The following TLE4 variants were observed in gnomAD, a reference collection of about 807,000 sequenced individuals.
The protein encoded by TLE4 is TLE family member 4, transcriptional corepressor, also known as transducin-like enhancer protein 4.
A neutral mutation model predicts 92.8 loss-of-function variants in TLE4; 8 were observed. That is an observed-to-expected ratio of 0.09 (90% confidence interval 0.05 to 0.16). The LOEUF (loss-of-function observed/expected upper bound fraction) is 0.16. Ranked by LOEUF, TLE4 falls within the 10% of genes least tolerant of loss-of-function variation. The pLI is 1.00. For synonymous variants in TLE4, 371 were observed against 374.1 expected, an observed-to-expected ratio of 0.99 and a Z score of 0.10; for missense variants, 675 against 997.6, an observed-to-expected ratio of 0.68 and a Z score of 4.36.
intron 8 of TLE4, chr9:79,671,059 TA>T (rs5898639): frequency 0.57 from 141,942 of 250,170 alleles, 43,807 homozygotes; most frequent in East Asian, 0.7. Flanking sequence ...AAATTTTGCC[TA>T]AAAAAAAATC....
chr9:79,633,758 G>A (rs1275552995), intron 6 of TLE4, among the ~76,000 whole-genome samples: 2 of 152,180 alleles, frequency 1.3e-5, no homozygotes, highest in Admixed American at 1.3e-4. Flanking sequence ...GTTTCCACAA[G>A]CAGCATCACC....
chr9:79,625,237 T>C (rs1207693232), intron 5 of TLE4, among the ~76,000 whole-genome samples: 9 of 151,770 alleles, frequency 5.9e-5, no homozygotes, highest in African/African-American at 2.2e-4. Context: ...GCCGGGATGG[T>C]CTCGATCTCC....
At chr9:79,698,885 A>G (rs2068982942) in intron 8 of TLE4, among the ~76,000 whole-genome samples, 1 of 149,198 alleles carries the variant, frequency 6.7e-6, no homozygotes, top group Non-Finnish European at 1.5e-5. Flanking sequence ...ATATATATAT[A>G]TATGTATATC....
intron 4 of TLE4, among the ~76,000 whole-genome samples, chr9:79,598,248 C>CA (rs11460494): frequency 0.034 from 2,123 of 62,370 alleles, 53 homozygotes; most frequent in African/African-American, 0.095. Context: ...GACTCCGTCT[C>CA]AAAAAAAAAA....
intron 1 of TLE4, 129 bp from the exon 2 acceptor site, chr9:79,573,560 G>A: frequency 1.2e-6 from 1 of 865,872 alleles, no homozygotes; most frequent in Non-Finnish European, 1.6e-6. Flanking sequence ...CGGGAGGAGA[G>A]TTTTAATCTC....
rs760266231 is a variant in TLE4 at position 79,725,088 on chromosome 9, T to C, written c.2266T>C (p.Tyr756His). 32 of 1,614,014 alleles carry C rather than the reference T, an allele frequency of 2.0e-5. No homozygotes were observed. The highest frequency in any genetic ancestry group is 2.7e-5 in the Non-Finnish European group (32 of 1,179,946). The change falls in exon 20 of 20, where the codon TAC (tyrosine) becomes CAC (histidine). Residue 756 changes from tyrosine to histidine, a missense_variant. Physicochemically the swap from Tyr to His is moderately conservative, Grantham distance 83 (BLOSUM62 2). Around this residue, in one of 5 missense-constraint regions of TLE4, gnomAD observed 170 missense variants for 359.6 expected, o/e 0.47. Coordinates refer to ENST00000376552, the MANE Select transcript of TLE4 (RefSeq NM_007005.6). Reference sequence around the variant, plus strand: ...CTGTGACATCTCCGTGGACGACAAATACATTGTCACTGGCTCTGGGGATAA... The same window carrying C: ...CTGTGACATCTCCGTGGACGACAAACACATTGTCACTGGCTCTGGGGATAA... Reference protein sequence around the residue: ...LSCDISVDDKYIVTGSGDKKA... With the variant: ...LSCDISVDDKHIVTGSGDKKA...
chr9:79,681,832 ATGTGTGTGTGTGTG>A lies in TLE4; in HGVS notation c.610-22933_610-22920del, dbSNP rs35005870. 5.8e-4 allele frequency among the ~76,000 whole-genome samples: 82 copies of A among 141,702 alleles called. 1 individual carries two copies. Among genetic ancestry groups the A allele is most frequent in the Admixed American group, 2.1e-4 (3 of 14,078 alleles). 93.0% of individuals were successfully genotyped at this position (141,702 alleles called of 152,430 possible). ...AGAGAGAGAGAGAGAGAGTGTGTGC[ATGTGTGTGTGTGTG>A]TGTGTGTGTGTGTGTGTATGTGTGT... On this transcript the variant is annotated intron_variant, in intron 8 of 19. Transcript: ENST00000376552.
intron 6 of TLE4, among the ~76,000 whole-genome samples, chr9:79,637,838 G>A (rs1010568126): frequency 6.6e-6 from 1 of 150,956 alleles, no homozygotes; most frequent in South Asian, 2.1e-4. Context: ...AGAATTGCCT[G>A]TGTGTGTGTG....
chr9:79,665,844 G>A (rs958720218), intron 8 of TLE4, among the ~76,000 whole-genome samples: 1 of 152,078 alleles, frequency 6.6e-6, no homozygotes, highest in South Asian at 2.1e-4. Flanking sequence ...TAGCTCTGAT[G>A]ATATTTTCTT....
At chr9:79,580,095 G>A (rs964653171) in intron 4 of TLE4, 1 of 152,148 alleles carries the variant, frequency 6.6e-6, no homozygotes, top group Non-Finnish European at 1.5e-5. Context: ...GACTTGAAGA[G>A]GCCGACTGCT....
intron 4 of TLE4, among the ~76,000 whole-genome samples, chr9:79,591,115 A>G (rs2042428987): frequency 6.6e-6 from 1 of 152,220 alleles, no homozygotes; most frequent in Admixed American, 6.5e-5. Context: ...GCTTGCCTCC[A>G]TGGAGAATCT....
chr9:79,679,266 C>T (rs1300428817), intron 8 of TLE4, among the ~76,000 whole-genome samples: 1 of 152,134 alleles, frequency 6.6e-6, no homozygotes, highest in African/African-American at 2.4e-5. Context: ...TATTTCTCCA[C>T]CTCCTCTCCA....
At chr9:79,675,788 A>C (rs970350618) in intron 8 of TLE4, among the ~76,000 whole-genome samples, 1 of 152,186 alleles carries the variant, frequency 6.6e-6, no homozygotes, top group African/African-American at 2.4e-5. Context: ...ATGTCTTAGA[A>C]TCTTATACCA....
Position 79,723,027 on chromosome 9 carries a change from A to G in TLE4, c.2206A>G (p.Ile736Val). Residue 736 changes from isoleucine (I) to valine (V), a missense_variant, in exon 19 of 20, where the codon ATA becomes GTA. Ile to Val is a conservative substitution (Grantham distance 29). Coordinates refer to ENST00000376552, the MANE Select transcript of TLE4 (RefSeq NM_007005.6). ...CTGGAGAACACCTTATGGGGCCAGT[A>G]TATTCCAGGTAACATGGAACTTGTT... ...NAWRTPYGAS[I>V]FQSKESSSVL... 6.2e-7 allele frequency: 1 copy of G among 1,614,130 alleles called. No individual in the cohort carries two copies. The highest frequency in any genetic ancestry group is 1.3e-5 in the African/African-American group (1 of 75,054).
chr9:79,709,764 A>G (rs2136003655), intron 14 of TLE4, 65 bp downstream of exon 14: 1 of 1,376,174 alleles, frequency 7.3e-7, no homozygotes, highest in Non-Finnish European at 1.0e-6. Context: ...GGCCCCGTAG[A>G]CTTAGAATAC....
intron 8 of TLE4, among the ~76,000 whole-genome samples, chr9:79,704,163 G>C (rs1253717928): frequency 6.6e-6 from 1 of 151,982 alleles, no homozygotes; most frequent in Non-Finnish European, 1.5e-5. Context: ...GCCCAGGCTG[G>C]AATGCAGTGG....
At chr9:79,651,501 A>G (rs1818634220) in intron 6 of TLE4, among the ~76,000 whole-genome samples, 2 of 152,300 alleles carry the variant, frequency 1.3e-5, no homozygotes, top group South Asian at 4.1e-4. Flanking sequence ...CAGCGCAGTT[A>G]CTGGTGCATG....
chr9:79,572,802 C>A lies in TLE4; in HGVS notation c.12C>A (p.Asp4Glu). 1 of 1,600,944 alleles carries A rather than the reference C, an allele frequency of 6.2e-7. No homozygotes were observed. The highest frequency in any genetic ancestry group is 1.1e-5 in the South Asian group (1 of 89,576). The part of the protein sequence containing the change: MIR[D>E]LSKMYPQTRH... ...CTAAATCGGCTTGGATGATTCGCGA[C>A]CTGAGCAAGATGTACCCGCAGACCA... is the stretch of plus-strand genomic sequence containing the variant. The change falls in exon 1 of 20, where the codon GAC becomes GAA. Residue 4 changes from aspartate to glutamate, a missense_variant. By Grantham distance (45) the Asp-to-Glu change is conservative (BLOSUM62 2). This residue lies in a region of TLE4 where 38 missense variants were observed against 33.5 expected (regional missense o/e 1.14). Coordinates refer to ENST00000376552, the MANE Select transcript of TLE4 (RefSeq NM_007005.6).
chr9:79,584,794 C>T (rs1370598335), intron 4 of TLE4, among the ~76,000 whole-genome samples: 1 of 152,138 alleles, frequency 6.6e-6, no homozygotes, highest in East Asian at 1.9e-4. Context: ...GCAAAAGCAA[C>T]CGAACTTGCT....
Sources: allele counts gnomAD v4.1 joint callset (sites outside exome capture counted in the v4.1 genomes callset), GRCh38; gene constraint gnomAD v4.1.1; regional missense constraint gnomAD v4.1.1; transcripts MANE v1.5; gene names NCBI Gene and HGNC (gene_info 2026-07-23, HGNC 2026-07-21).